Variants in USH2A observed in about 807,000 individuals in gnomAD.
USH2A encodes the protein usherin, also known as Usher syndrome 2A (autosomal recessive, mild).
A neutral mutation model predicts 538.9 loss-of-function variants in USH2A; 443 were observed. The observed-to-expected ratio is 0.82, with a 90% CI of 0.76 to 0.89. USH2A has a LOEUF of 0.89. Ranked by LOEUF, USH2A falls within the 40% of genes least tolerant of loss-of-function variation. USH2A has a pLI of 0.00. For synonymous variants in USH2A, 2,413 were observed against 2,273.5 expected, an observed-to-expected ratio of 1.06 and a Z score of -1.75; for missense variants, 6,633 against 6,324.8, an observed-to-expected ratio of 1.05 and a Z score of -1.65.
chr1:216,025,223 T>C (rs934314383), intron 32 of USH2A, among the ~76,000 whole-genome samples: 6 of 151,840 alleles, frequency 4.0e-5, no homozygotes, highest in African/African-American at 9.7e-5. Flanking sequence ...ATTCAGAGTA[T>C]TGATGGGCTT....
intron 32 of USH2A, among the ~76,000 whole-genome samples, chr1:216,008,656 C>T (rs1437854362): frequency 6.6e-6 from 1 of 152,176 alleles, no homozygotes; most frequent in African/African-American, 2.4e-5. Context: ...GACCTCAGGT[C>T]CTCAGACCCA....
At chr1:215,677,893 A>G (rs1374728010) in intron 62 of USH2A, among the ~76,000 whole-genome samples, 2 of 152,124 alleles carry the variant, frequency 1.3e-5, no homozygotes, top group East Asian at 3.9e-4. Context: ...GGAGTTTTAG[A>G]CTTGTACCTC....
At chr1:216,395,727 G>A (rs746891492) in intron 3 of USH2A, among the ~76,000 whole-genome samples, 2 of 152,180 alleles carry the variant, frequency 1.3e-5, no homozygotes, top group Admixed American at 1.3e-4. Flanking sequence ...AAGACAGGAC[G>A]GAAGTAGGCA....
At chr1:216,036,539 A>G (rs960911113) in intron 32 of USH2A, among the ~76,000 whole-genome samples, 10 of 152,150 alleles carry the variant, frequency 6.6e-5, no homozygotes, top group Non-Finnish European at 1.3e-4. Context: ...TCCAAATTAA[A>G]TATTTTTCTA....
At chr1:215,965,797 T>C (rs1667327960) in intron 36 of USH2A, among the ~76,000 whole-genome samples, 1 of 152,122 alleles carries the variant, frequency 6.6e-6, no homozygotes, top group Non-Finnish European at 1.5e-5. Context: ...TTTAAAATAA[T>C]TTTTATGTGA....
At chr1:216,016,650 T>G (rs945869180) in intron 32 of USH2A, among the ~76,000 whole-genome samples, 1 of 152,132 alleles carries the variant, frequency 6.6e-6, no homozygotes, top group Non-Finnish European at 1.5e-5. Context: ...GTAGTTACAG[T>G]GTTATAAGCG....
At chr1:216,192,414 C>T (rs1039049705) in intron 19 of USH2A, among the ~76,000 whole-genome samples, 1 of 151,872 alleles carries the variant, frequency 6.6e-6, no homozygotes, top group Non-Finnish European at 1.5e-5. Flanking sequence ...AAGGTAGGCC[C>T]AGTGCAGTGG....
Position 215,855,304 on chromosome 1 carries a change from G to A in USH2A, c.8846-9271C>T, listed in dbSNP as rs192436512. Reference sequence around the variant, plus strand: ...TTAAATAAATTCAGCAAAGTTTTGGGATACAAAATTAATGTACACAAATCA... The same window carrying A: ...TTAAATAAATTCAGCAAAGTTTTGGAATACAAAATTAATGTACACAAATCA... On this transcript the variant is annotated intron_variant, in intron 44 of 71. Coordinates refer to ENST00000307340, the MANE Select transcript of USH2A (RefSeq NM_206933.4). Among the ~76,000 whole-genome samples, 124 of 152,226 alleles carry A rather than the reference G, an allele frequency of 8.1e-4. 2 individuals carry two copies. The East Asian group carries it at 0.017, about 21-fold the overall frequency.
intron 55 of USH2A, among the ~76,000 whole-genome samples, chr1:215,778,635 TTA>T (rs1393589982): frequency 6.6e-6 from 1 of 152,168 alleles, no homozygotes; most frequent in Non-Finnish European, 1.5e-5. Flanking sequence ...GTGAGTTTCA[TTA>T]TCTGTGCTAT....
chr1:215,675,941 T>G (rs1376495373), intron 62 of USH2A, among the ~76,000 whole-genome samples: 1 of 152,204 alleles, frequency 6.6e-6, no homozygotes, highest in Non-Finnish European at 1.5e-5. Flanking sequence ...TTTGTATTTT[T>G]TTAAAGTAGA....
chr1:216,402,697 A>G (rs1405381134), intron 3 of USH2A, among the ~76,000 whole-genome samples: 1 of 152,172 alleles, frequency 6.6e-6, no homozygotes, highest in Non-Finnish European at 1.5e-5. Flanking sequence ...TGGACCATTT[A>G]TCTTATTGGT....
chr1:215,721,278 T>C (rs1659652711), intron 61 of USH2A, among the ~76,000 whole-genome samples: 2 of 152,212 alleles, frequency 1.3e-5, no homozygotes, highest in Admixed American at 1.3e-4. Flanking sequence ...TTTCACCACG[T>C]TGGCCAGGCT....
intron 4 of USH2A, among the ~76,000 whole-genome samples, chr1:216,341,290 G>A (rs1458778147): frequency 6.6e-6 from 1 of 152,046 alleles, no homozygotes; most frequent in African/African-American, 2.4e-5. Context: ...GCTAACAAGG[G>A]ACGTGAAGGA....
chr1:216,198,220 T>G, intron 18 of USH2A, 95 bp downstream of exon 18: 2 of 1,577,214 alleles, frequency 1.3e-6, no homozygotes. Flanking sequence ...AATTCTTGCT[T>G]TTCAAAATGT....
chr1:215,683,216 TACACACACAC>T lies in USH2A; in HGVS notation c.12067-2850_12067-2841del, dbSNP rs71167830. ...ACTTTGTTATTCCTGAATAGTTTTA[TACACACACAC>T]ACACACACACACACACACACACACA... is the stretch of plus-strand genomic sequence containing the variant. On this transcript the variant is annotated intron_variant, in intron 61 of 71. Transcript: ENST00000307340. Among the ~76,000 whole-genome samples the T allele has an allele frequency of 8.8e-3, 1,310 of 149,682 alleles. 5 individuals are homozygous for T. Among genetic ancestry groups the T allele is most frequent in the Middle Eastern group, 0.021 (6 of 292 alleles).
intron 68 of USH2A, among the ~76,000 whole-genome samples, chr1:215,639,796 G>A (rs1198880015): frequency 6.6e-6 from 1 of 152,158 alleles, no homozygotes; most frequent in Non-Finnish European, 1.5e-5. Context: ...ACCATGAACT[G>A]TAACAATGAA....
chr1:215,785,645 C>G (rs1661777578), intron 52 of USH2A, among the ~76,000 whole-genome samples: 1 of 152,102 alleles, frequency 6.6e-6, no homozygotes, highest in African/African-American at 2.4e-5. Context: ...TACCCTAGAA[C>G]TTAAAGTATA....
intron 32 of USH2A, among the ~76,000 whole-genome samples, chr1:216,036,874 A>G (rs1277553238): frequency 2.0e-5 from 3 of 152,104 alleles, no homozygotes; most frequent in African/African-American, 7.2e-5. Context: ...TCTCCCTCCT[A>G]TATCTCTAAG....
chr1:215,748,310 G>T (rs1299121432), intron 58 of USH2A, among the ~76,000 whole-genome samples: 2 of 151,958 alleles, frequency 1.3e-5, no homozygotes, highest in East Asian at 3.9e-4. Flanking sequence ...CCTGTTATTG[G>T]GCTTAGTTTT....
Sources: gnomAD v4.1 joint callset for allele counts (sites outside exome capture counted in the v4.1 genomes callset) on GRCh38, gnomAD v4.1.1 for gene constraint, MANE v1.5 for transcripts, NCBI Gene and HGNC (gene_info 2026-07-23, HGNC 2026-07-21) for gene names.